Variants in FAM124B observed in about 807,000 individuals in gnomAD.
The protein encoded by FAM124B is family with sequence similarity 124 member B.
In FAM124B, 18 loss-of-function variants were observed where a neutral mutation model predicts 19.7. That is an observed-to-expected ratio of 0.92 (90% CI 0.63 to 1.36). The LOEUF (loss-of-function observed/expected upper bound fraction) is 1.36, where lower values mean the gene tolerates loss of function less well. Among genes scored for constraint, FAM124B ranks in the 40% most tolerant of loss-of-function variants. The pLI, the probability that FAM124B is intolerant of heterozygous loss-of-function variation, is 0.00. For missense variants in FAM124B, 540 were observed against 553.3 expected, an observed-to-expected ratio of 0.98 and a Z score of 0.24; for synonymous variants, 223 against 225.2, an observed-to-expected ratio of 0.99 and a Z score of 0.09.
In FAM124B at chr2:224,379,885, G is replaced by C. The variant is rs1689686287; in HGVS notation, c.1056C>G (p.Asn352Lys). The stretch of plus-strand genomic sequence containing the variant: ...TCTCGGCCTCAAGCTTCTGAAAGCT[G>C]TTTTCCCGGTTGAGGACCTTCATTC... ...GARMKVLNRE[N>K]SFQKLEAETN... Residue 352 changes from asparagine to lysine, a missense_variant, in exon 2 of 2, where the codon AAC (asparagine) becomes AAG (lysine). Coordinates refer to ENST00000409685, the MANE Select transcript of FAM124B (RefSeq NM_001122779.2). The C allele has an allele frequency of 1.9e-6, 3 of 1,551,922 alleles. No individual in the cohort carries two copies. The highest frequency in any genetic ancestry group is 2.6e-6 in the Non-Finnish European group (3 of 1,147,086).
chr2:224,383,065 C>A (rs545328474), intron 1 of FAM124B, among the ~76,000 whole-genome samples: 1 of 152,288 alleles, frequency 6.6e-6, no homozygotes, highest in East Asian at 1.9e-4. Context: ...ACCGAAGGAC[C>A]TGTCCTTATG....
chr2:224,388,662 T>A (rs1241278857), intron 1 of FAM124B, among the ~76,000 whole-genome samples: 1 of 152,202 alleles, frequency 6.6e-6, no homozygotes, highest in Non-Finnish European at 1.5e-5. Flanking sequence ...CACAATACTG[T>A]GAATGTGCTT....
chr2:224,388,811 A>G (rs1433894164), intron 1 of FAM124B, among the ~76,000 whole-genome samples: 2 of 152,266 alleles, frequency 1.3e-5, no homozygotes, highest in South Asian at 2.1e-4. Flanking sequence ...TTTGTCTCAC[A>G]TATTTTGCCA....
Position 224,401,575 on chromosome 2 carries a change from G to A in FAM124B, c.194C>T (p.Pro65Leu), listed in dbSNP as rs769079783. The change falls in exon 1 of 2, where the codon CCA (proline) becomes CTA (leucine). Residue 65 changes from proline (P) to leucine (L), a missense_variant. Pro to Leu is a moderately conservative substitution (Grantham distance 98). Transcript: ENST00000409685. Reference sequence around the variant, plus strand: ...CAGGAAGAGCAACACGGACATCCCTGGAAACCGGGACCGCTTGGAATGGGA... The same window carrying A: ...CAGGAAGAGCAACACGGACATCCCTAGAAACCGGGACCGCTTGGAATGGGA... Reference protein sequence around the residue: ...EKSHSKRSRFPGMSVLLFLHE... With the variant: ...EKSHSKRSRFLGMSVLLFLHE... 8.0e-5 allele frequency: 129 copies of A among 1,614,070 alleles called. No homozygotes were observed. Among genetic ancestry groups the A allele is most frequent in the Non-Finnish European group, 1.0e-4 (121 of 1,180,052 alleles).
At chr2:224,394,564 AT>A (rs980206560) in intron 1 of FAM124B, among the ~76,000 whole-genome samples, 6 of 152,122 alleles carry the variant, frequency 3.9e-5, no homozygotes, top group African/African-American at 1.4e-4. Context: ...AACCTGTCCT[AT>A]TTGATGCTAA....
chr2:224,392,105 C>A (rs1689897047), intron 1 of FAM124B, among the ~76,000 whole-genome samples: 1 of 152,112 alleles, frequency 6.6e-6, no homozygotes, highest in Non-Finnish European at 1.5e-5. Context: ...TGCTAAATAT[C>A]TTTTGATTGT....
At chr2:224,394,434 T>C (rs186631906) in intron 1 of FAM124B, among the ~76,000 whole-genome samples, 2 of 152,224 alleles carry the variant, frequency 1.3e-5, no homozygotes, top group East Asian at 3.9e-4. Flanking sequence ...CCAAATTCAG[T>C]CAAGTCTACC....
intron 1 of FAM124B, among the ~76,000 whole-genome samples, chr2:224,389,707 T>C (rs924422896): frequency 6.6e-6 from 1 of 152,032 alleles, no homozygotes; most frequent in African/African-American, 2.4e-5. Context: ...CATGTTTAAA[T>C]GGTCTTATAG....
intron 1 of FAM124B, among the ~76,000 whole-genome samples, chr2:224,398,795 G>A (rs1454253554): frequency 6.6e-6 from 1 of 152,146 alleles, no homozygotes; most frequent in African/African-American, 2.4e-5. Context: ...GGGCAACATA[G>A]TGAAACCCCA....
Position 224,393,392 on chromosome 2 carries a change from T to C in FAM124B, c.732+7645A>G, listed in dbSNP as rs11680828. 8.8e-3 allele frequency among the ~76,000 whole-genome samples: 1,342 copies of C among 152,350 alleles called. 15 individuals carry two copies. The highest frequency in any genetic ancestry group is 0.014 in the Middle Eastern group (4 of 294). On this transcript the variant is annotated intron_variant, in intron 1 of 1. Coordinates refer to ENST00000409685, the MANE Select transcript of FAM124B (RefSeq NM_001122779.2). ...TTGTACTCTTGTTCTGTTACTTATC[T>C]GTCCTGCCCAGGTTGCAAGAATAGG...
At chr2:224,390,085 GA>G (rs1689855499) in intron 1 of FAM124B, among the ~76,000 whole-genome samples, 2 of 148,598 alleles carry the variant, frequency 1.3e-5, no homozygotes, top group Non-Finnish European at 3.0e-5. Context: ...ATGATTTAGA[GA>G]GAGGAAAAAA....
intron 1 of FAM124B, among the ~76,000 whole-genome samples, chr2:224,381,283 C>G (rs1689708284): frequency 6.6e-6 from 1 of 151,986 alleles, no homozygotes; most frequent in Non-Finnish European, 1.5e-5. Context: ...CTAGCAAGAC[C>G]CCATCTTTAC....
At chr2:224,394,525 C>T (rs1480310257) in intron 1 of FAM124B, among the ~76,000 whole-genome samples, 1 of 152,138 alleles carries the variant, frequency 6.6e-6, no homozygotes, top group Non-Finnish European at 1.5e-5. Context: ...CTGAAGTCCC[C>T]TCTGAAGTGG....
intron 1 of FAM124B, 122 bp downstream of exon 1, chr2:224,400,915 T>G (rs1173622882): frequency 7.6e-7 from 1 of 1,317,178 alleles, no homozygotes; most frequent in Non-Finnish European, 1.0e-6. Context: ...TGGGAATTTA[T>G]GAAAGACCCT....
chr2:224,379,492 ACAGGCTGATT>A lies in FAM124B; in HGVS notation c.*71_*80del. The A allele has an allele frequency of 6.9e-7, 1 of 1,452,466 alleles. No homozygotes were observed. Among genetic ancestry groups the A allele is most frequent in the Non-Finnish European group, 9.1e-7 (1 of 1,103,396 alleles). 90.0% of individuals were successfully genotyped at this position (1,452,466 alleles called of 1,614,324 possible). On this transcript the variant is annotated 3_prime_UTR_variant, in exon 2 of 2. Transcript: ENST00000409685. ...TCAGCCCCCCTCAGATGAACAACTAACAGGCTGATTCTGGGTCAGTACTCCATTTCTAGAA... is the reference window on the plus strand; with the variant it reads ...TCAGCCCCCCTCAGATGAACAACTAACTGGGTCAGTACTCCATTTCTAGAA...
chr2:224,384,236 C>A (rs1484187724), intron 1 of FAM124B, among the ~76,000 whole-genome samples: 3 of 152,172 alleles, frequency 2.0e-5, no homozygotes. Context: ...GCCAGGCATT[C>A]TGAGGCCATG....
rs200113424 is a variant in FAM124B, at chr2:224,401,217, C to T, written c.552G>A (p.Leu184=). ...FVLYASKSFA[L]QLSLKQLPPG... Reference sequence around the variant, plus strand: ...GGGGCAGCTGCTTCAGGGAGAGCTGCAGAGCAAAGCTCTTGGAGGCATAGA... The same window carrying T: ...GGGGCAGCTGCTTCAGGGAGAGCTGTAGAGCAAAGCTCTTGGAGGCATAGA... Residue 184 remains leucine, a synonymous_variant, in exon 1 of 2, where the codon CTG becomes CTA. Coordinates refer to ENST00000409685, the MANE Select transcript of FAM124B (RefSeq NM_001122779.2). 1 of 1,614,168 alleles carries T rather than the reference C, an allele frequency of 6.2e-7. No homozygotes were observed. Among genetic ancestry groups the T allele is most frequent in the East Asian group, 2.2e-5 (1 of 44,882 alleles).
chr2:224,391,717 G>A (rs1333028334), intron 1 of FAM124B, among the ~76,000 whole-genome samples: 1 of 152,190 alleles, frequency 6.6e-6, no homozygotes, highest in African/African-American at 2.4e-5. Context: ...AGAGAGACCT[G>A]AGTTTGAAAC....
At chr2:224,400,531 A>G in intron 1 of FAM124B, 1 of 687,184 alleles carries the variant, frequency 1.5e-6, no homozygotes, top group African/African-American at 1.8e-5. Context: ...ATTAAAAATT[A>G]AAAAAACCAT....
Sources: gnomAD v4.1 joint callset for allele counts (sites outside exome capture counted in the v4.1 genomes callset) on GRCh38, gnomAD v4.1.1 for gene constraint, MANE v1.5 for transcripts, NCBI Gene and HGNC (gene_info 2026-07-23, HGNC 2026-07-21) for gene names.